GPHN: variants seen among roughly 807,000 people sequenced by gnomAD.
GPHN encodes gephyrin.
A neutral mutation model predicts 95.5 loss-of-function variants in GPHN; 17 were observed. The ratio of observed to expected loss-of-function variants is 0.18; its 90% CI spans 0.12 to 0.27. The LOEUF (loss-of-function observed/expected upper bound fraction) is 0.27. Ranked by LOEUF, GPHN falls within the 10% of genes least tolerant of loss-of-function variation. The pLI, the probability that GPHN is intolerant of heterozygous loss-of-function variation, is 1.00. For synonymous variants in GPHN, 320 were observed against 322.5 expected (o/e 0.99, Z 0.08); for missense variants, 660 against 978.1 (o/e 0.67, Z 4.34).
At chr14:67,674,485 G>T in the GPHN span, 1 of 1,603,090 alleles carries the variant, frequency 6.2e-7, no homozygotes, top group Admixed American at 1.7e-5. Flanking sequence ...GGCGGAGGAG[G>T]CCATGGCGCA....
At chr14:67,215,263 G>C in the GPHN span, among the ~76,000 whole-genome samples, 1 of 152,134 alleles carries the variant, frequency 6.6e-6, no homozygotes, top group African/African-American at 2.4e-5. Flanking sequence ...CTTCTAGGGA[G>C]CTTTCTTCCA....
At chr14:67,035,590 A>G (rs560761046) in intron 10 of GPHN, among the ~76,000 whole-genome samples, 1 of 152,028 alleles carries the variant, frequency 6.6e-6, no homozygotes, top group South Asian at 2.1e-4. Flanking sequence ...AGACTGCTAT[A>G]TACAATTATA....
intron 2 of GPHN, among the ~76,000 whole-genome samples, chr14:66,713,892 C>T (rs1024686473): frequency 6.6e-6 from 1 of 152,160 alleles, no homozygotes; most frequent in African/African-American, 2.4e-5. Context: ...TCTCCTCCTC[C>T]CAAGTAGCTG....
intron 13 of GPHN, among the ~76,000 whole-genome samples, chr14:67,104,967 A>G (rs1258147264): frequency 6.6e-6 from 1 of 152,014 alleles, no homozygotes; most frequent in Non-Finnish European, 1.5e-5. Flanking sequence ...GTTTTGATGT[A>G]GGTGTTTATT....
chr14:66,736,600 ATGT>A (rs2072307827), intron 2 of GPHN, among the ~76,000 whole-genome samples: 1 of 151,594 alleles, frequency 6.6e-6, no homozygotes, highest in Non-Finnish European at 1.5e-5. Context: ...GGGTTTCATC[ATGT>A]TGTACAGGCT....
At chr14:66,801,346 G>A (rs1194433076) in intron 3 of GPHN, among the ~76,000 whole-genome samples, 2 of 152,052 alleles carry the variant, frequency 1.3e-5, no homozygotes, top group African/African-American at 4.8e-5. Flanking sequence ...TTCTTGGGAA[G>A]GCTTTCCAAA....
intron 3 of GPHN, among the ~76,000 whole-genome samples, chr14:66,814,915 A>AT (rs1404581643): frequency 6.6e-6 from 1 of 152,194 alleles, no homozygotes; most frequent in Non-Finnish European, 1.5e-5. Flanking sequence ...AAAAATCATG[A>AT]TAAAACATGG....
intron 5 of GPHN, among the ~76,000 whole-genome samples, chr14:66,893,980 C>A (rs1239163509): frequency 1.3e-5 from 2 of 152,132 alleles, no homozygotes; most frequent in Admixed American, 1.3e-4. Flanking sequence ...ATCAAGCTAC[C>A]AATGACTTTC....
intron 1 of GPHN, among the ~76,000 whole-genome samples, chr14:66,525,729 A>G (rs904167687): frequency 1.3e-5 from 2 of 151,746 alleles, no homozygotes; most frequent in Admixed American, 1.3e-4. Flanking sequence ...AGTTTTACGA[A>G]CACCATTTAT....
the GPHN span, among the ~76,000 whole-genome samples, chr14:67,700,740 G>C: frequency 7.2e-6 from 1 of 139,318 alleles, no homozygotes; most frequent in Non-Finnish European, 1.5e-5. Context: ...AATTACAGAA[G>C]TTGGCTGGGC....
chr14:67,048,690 A>T (rs1019967583), intron 10 of GPHN, among the ~76,000 whole-genome samples: 1 of 152,256 alleles, frequency 6.6e-6, no homozygotes, highest in African/African-American at 2.4e-5. Flanking sequence ...TATTTTTACC[A>T]AACAAGCTAG....
chr14:66,620,569 C>G (rs1709964152), intron 1 of GPHN, among the ~76,000 whole-genome samples: 1 of 152,118 alleles, frequency 6.6e-6, no homozygotes, highest in African/African-American at 2.4e-5. Flanking sequence ...AATTCTGTCA[C>G]CTCCCACCAG....
the GPHN span, among the ~76,000 whole-genome samples, chr14:67,444,582 C>T: frequency 2.0e-5 from 3 of 152,108 alleles, no homozygotes; most frequent in African/African-American, 7.2e-5. Flanking sequence ...CATAATAAGG[C>T]CCTTCCTTAC....
At chr14:66,832,213 G>T (rs945594333) in intron 4 of GPHN, among the ~76,000 whole-genome samples, 3 of 152,234 alleles carry the variant, frequency 2.0e-5, no homozygotes, top group Non-Finnish European at 4.4e-5. Context: ...CTTAAAGATG[G>T]AGAAACTGTG....
the GPHN span, chr14:67,203,390 G>A: frequency 9.8e-7 from 1 of 1,022,200 alleles, no homozygotes; most frequent in Non-Finnish European, 1.4e-6. Context: ...TGCGCCAGTG[G>A]AGCATGTTAC....
At chr14:66,689,062 AT>A (rs1386961031) in intron 2 of GPHN, among the ~76,000 whole-genome samples, 1 of 152,108 alleles carries the variant, frequency 6.6e-6, no homozygotes, top group South Asian at 2.1e-4. Context: ...TTAAAGTATA[AT>A]TTTTTAAAAA....
At chr14:66,704,780 G>A (rs901091552) in intron 2 of GPHN, among the ~76,000 whole-genome samples, 5 of 151,928 alleles carry the variant, frequency 3.3e-5, no homozygotes, top group African/African-American at 9.7e-5. Flanking sequence ...AAACTAATCC[G>A]AAAGCTAGTA....
At chr14:67,321,317 T>A in the GPHN span, 1 of 1,537,716 alleles carries the variant, frequency 6.5e-7, no homozygotes, top group African/African-American at 1.4e-5. Flanking sequence ...TATAGAGTAA[T>A]CTAGTGGAAG....
chr14:67,290,033 A>G, the GPHN span, among the ~76,000 whole-genome samples: 5 of 152,114 alleles, frequency 3.3e-5, no homozygotes, highest in Admixed American at 6.5e-5. Flanking sequence ...TGGTCTCCCA[A>G]AGTGCTGGGA....
Sources: allele counts gnomAD v4.1 joint callset (sites outside exome capture counted in the v4.1 genomes callset), GRCh38; gene constraint gnomAD v4.1.1; transcripts MANE v1.5; gene names NCBI Gene and HGNC (gene_info 2026-07-23, HGNC 2026-07-21).